The following DNAJC6 variants were observed in gnomAD, a reference collection of about 807,000 sequenced individuals.
The protein encoded by DNAJC6 is auxilin.
In DNAJC6, 34 loss-of-function variants were observed where a neutral mutation model predicts 110.0. The observed-to-expected ratio is 0.31, with a 90% CI of 0.24 to 0.41. The LOEUF is 0.41. DNAJC6 is among the 10% of genes least tolerant of loss of function. DNAJC6 has a pLI of 1.00. For missense variants in DNAJC6, 1,031 were observed against 1,207.8 expected (o/e 0.85, Z 2.17); for synonymous variants, 406 against 437.2 (o/e 0.93, Z 0.89).
intron 1 of DNAJC6, among the ~76,000 whole-genome samples, chr1:65,313,841 G>C (rs1221569068): frequency 6.6e-6 from 1 of 152,110 alleles, no homozygotes; most frequent in Non-Finnish European, 1.5e-5. Flanking sequence ...TTATTCTCTA[G>C]AAAAGGTTGT....
chr1:65,293,072 G>T (rs1042595658), intron 1 of DNAJC6, among the ~76,000 whole-genome samples: 2 of 152,218 alleles, frequency 1.3e-5, no homozygotes, highest in African/African-American at 4.8e-5. Flanking sequence ...TCTGGAGCTG[G>T]TAAAACAGTA....
At chr1:65,349,076 A>AT (rs1229429393) in intron 1 of DNAJC6, among the ~76,000 whole-genome samples, 3 of 112,002 alleles carry the variant, frequency 2.7e-5, no homozygotes, top group African/African-American at 1.2e-4. Context: ...ATACATATAT[A>AT]AAAATATATA....
chr1:65,302,146 T>G (rs1250587383), intron 1 of DNAJC6, among the ~76,000 whole-genome samples: 1 of 141,618 alleles, frequency 7.1e-6, no homozygotes, highest in Non-Finnish European at 1.5e-5. Context: ...TAATACGTAT[T>G]ATATATATTT....
intron 1 of DNAJC6, among the ~76,000 whole-genome samples, chr1:65,280,970 C>A (rs1653825738): frequency 6.6e-6 from 1 of 152,178 alleles, no homozygotes; most frequent in Non-Finnish European, 1.5e-5. Flanking sequence ...GGGTCATGCT[C>A]TATCACCCAG....
chr1:65,409,881 C>A (rs1449135931), intron 17 of DNAJC6, among the ~76,000 whole-genome samples: 1 of 152,060 alleles, frequency 6.6e-6, no homozygotes, highest in African/African-American at 2.4e-5. Flanking sequence ...TAGCATGTTT[C>A]AGCATTTTGT....
chr1:65,309,546 C>A lies in DNAJC6; in HGVS notation c.-200C>A. On this transcript the variant is annotated 5_prime_UTR_variant, in exon 1 of 19. Coordinates refer to ENST00000371069, the MANE Select transcript of DNAJC6 (RefSeq NM_001256864.2). ...CCCTCCCTCCTCCCGGCGCCCCGAG[C>A]CGAGCTCAGCCCAGGGCGGCGGCTT... 8.2e-7 allele frequency: 1 copy of A among 1,214,478 alleles called. No homozygotes were observed. The highest frequency in any genetic ancestry group is 1.0e-6 in the Non-Finnish European group (1 of 978,934). 75.2% of individuals were successfully genotyped at this position (1,214,478 alleles called of 1,614,324 possible).
chr1:65,392,495 G>A lies in DNAJC6; in HGVS notation c.1533G>A (p.Glu511=), dbSNP rs773744229. 17 of 1,613,820 alleles carry A rather than the reference G, an allele frequency of 1.1e-5. No homozygotes were observed. The highest frequency in any genetic ancestry group is 1.3e-5 in the Non-Finnish European group (15 of 1,179,856). The change falls in exon 12 of 19, where the codon GAG becomes GAA. Residue 511 remains glutamate (E), a synonymous_variant. Transcript: ENST00000371069. ...DHAALVNQES[E]QSDDELLTLS... ...CTGCCCTAGTGAATCAGGAAAGTGA[G>A]CAATCAGATGATGAACTTCTGACAC...
upstream of DNAJC6, chr1:65,309,493 GC>G: frequency 1.7e-6 from 2 of 1,152,490 alleles, no homozygotes; most frequent in Non-Finnish European, 2.2e-6. Context: ...GAGGACGCGC[GC>G]CCCCGCCCGG....
chr1:65,368,716 C>T (rs981422945), intron 4 of DNAJC6, among the ~76,000 whole-genome samples: 1 of 63,982 alleles, frequency 1.6e-5, no homozygotes, highest in Non-Finnish European at 2.5e-5. Flanking sequence ...CCTTCTTCTT[C>T]CTCTTCTTCT....
chr1:65,343,732 C>T (rs1434713846), intron 1 of DNAJC6, among the ~76,000 whole-genome samples: 1 of 151,292 alleles, frequency 6.6e-6, no homozygotes, highest in Non-Finnish European at 1.5e-5. Context: ...GGCAAAAGTT[C>T]CTGACTTAAT....
At chr1:65,335,850 A>G (rs1645331379) in intron 1 of DNAJC6, among the ~76,000 whole-genome samples, 1 of 152,182 alleles carries the variant, frequency 6.6e-6, no homozygotes, top group Non-Finnish European at 1.5e-5. Flanking sequence ...TTATTTCTTA[A>G]AAGAACACCT....
rs1241102466 is a variant in DNAJC6 at position 65,386,885 on chromosome 1, A to G, written c.1069A>G (p.Met357Val). 3.3e-5 allele frequency: 54 copies of G among 1,614,034 alleles called. No homozygotes were observed. The highest frequency in any genetic ancestry group is 4.3e-5 in the Non-Finnish European group (51 of 1,180,024). Reference sequence around the variant, plus strand: ...TGTGCAAGGAGACGTGGTTGTTTCCATGTATCACTTGAGGTCAACCATTGG... The same window carrying G: ...TGTGCAAGGAGACGTGGTTGTTTCCGTGTATCACTTGAGGTCAACCATTGG... ...ITVQGDVVVSMYHLRSTIGSR... is the reference protein window; with the variant it reads ...ITVQGDVVVSVYHLRSTIGSR... Residue 357 changes from methionine to valine, a missense_variant, in exon 8 of 19, where the codon ATG becomes GTG. Transcript: ENST00000371069.
At chr1:65,386,009 G>A (rs1645868579) in intron 7 of DNAJC6, 103 bp downstream of exon 7, 4 of 1,143,504 alleles carry the variant, frequency 3.5e-6, no homozygotes, top group Non-Finnish European at 3.6e-6. Flanking sequence ...ATATCATTGT[G>A]AAATAGCTGA....
chr1:65,385,167 A>G (rs945039582), intron 6 of DNAJC6, among the ~76,000 whole-genome samples: 5 of 152,254 alleles, frequency 3.3e-5, no homozygotes, highest in African/African-American at 1.2e-4. Context: ...GCAAAAATAC[A>G]TAGAGAATAA....
Position 65,349,077 on chromosome 1 carries a change from A to T in DNAJC6, c.194-15558A>T, listed in dbSNP as rs148642234. 6.2e-3 allele frequency among the ~76,000 whole-genome samples: 686 copies of T among 110,422 alleles called. 4 individuals are homozygous for T. Among genetic ancestry groups the T allele is most frequent in the African/African-American group, 0.027 (661 of 24,458 alleles). The allele number at this position is 110,422 out of a possible 152,430, so 72.4% of individuals were successfully genotyped here. ...AAATATATATGTAAATACATATATAAAAATATATATGTAAATATATATATA... is the reference window on the plus strand; with the variant it reads ...AAATATATATGTAAATACATATATATAAATATATATGTAAATATATATATA... On this transcript the variant is annotated intron_variant, in intron 1 of 18. Transcript: ENST00000371069.
At chr1:65,288,412 C>G (rs749706975) in intron 1 of DNAJC6, among the ~76,000 whole-genome samples, 1 of 152,078 alleles carries the variant, frequency 6.6e-6, no homozygotes, top group Admixed American at 6.6e-5. Context: ...GCAAGATTGG[C>G]AGCATATGAA....
intron 1 of DNAJC6, among the ~76,000 whole-genome samples, chr1:65,360,173 T>C (rs1397156984): frequency 6.6e-6 from 1 of 152,212 alleles, no homozygotes; most frequent in Non-Finnish European, 1.5e-5. Context: ...TTTTGGCACT[T>C]ATGTGGCTCA....
Position 65,364,686 on chromosome 1 carries a change from T to A in DNAJC6, c.245T>A (p.Met82Lys). The A allele has an allele frequency of 1.2e-6, 2 of 1,611,948 alleles. No individual in the cohort carries two copies. Among genetic ancestry groups the A allele is most frequent in the Non-Finnish European group, 1.7e-6 (2 of 1,179,400 alleles). The change falls in exon 2 of 19, where the codon ATG becomes AAG. Residue 82 changes from methionine (M) to lysine (K), a missense_variant. By Grantham distance (95) the Met-to-Lys change is moderately conservative (BLOSUM62 -1). Coordinates refer to ENST00000371069, the MANE Select transcript of DNAJC6 (RefSeq NM_001256864.2). ...AGCTATGGGGGAGGTCTCTTTGACA[T>A]GGTAAAAGGAGGTGCAGGGAGGCTC... ...EPSYGGGLFD[M>K]VKGGAGRLFS...
chr1:65,275,909 T>TC (rs1370193357), intron 1 of DNAJC6, among the ~76,000 whole-genome samples: 1 of 151,470 alleles, frequency 6.6e-6, no homozygotes, highest in Non-Finnish European at 1.5e-5. Context: ...CTTTTTTTTT[T>TC]TTTTTGAGAC....
Sources: allele counts gnomAD v4.1 joint callset (sites outside exome capture counted in the v4.1 genomes callset), GRCh38; gene constraint gnomAD v4.1.1; transcripts MANE v1.5; gene names NCBI Gene and HGNC (gene_info 2026-07-23, HGNC 2026-07-21).